The following MYO6 variants were observed in gnomAD, a reference collection of about 807,000 sequenced individuals.
MYO6 encodes the protein myosin VI.
MYO6 carries 74 observed loss-of-function variants against 178.7 expected under a neutral mutation model. The observed-to-expected ratio is 0.41, with a 90% CI of 0.34 to 0.50. The LOEUF (loss-of-function observed/expected upper bound fraction) is 0.50. MYO6 is among the 20% of genes least tolerant of loss of function. MYO6 has a pLI of 0.09. For missense variants in MYO6, 1,330 were observed against 1,547.4 expected (o/e 0.86, Z 2.36); for synonymous variants, 477 against 504.6 (o/e 0.95, Z 0.73).
intron 1 of MYO6, among the ~76,000 whole-genome samples, chr6:75,750,508 A>T (rs1776784387): frequency 6.6e-6 from 1 of 151,076 alleles, no homozygotes; most frequent in African/African-American, 2.4e-5. Flanking sequence ...AATAGACTTA[A>T]CTGTACGGGC....
chr6:75,832,399 C>G (rs1308848747), intron 5 of MYO6, among the ~76,000 whole-genome samples: 1 of 152,062 alleles, frequency 6.6e-6, no homozygotes, highest in South Asian at 2.1e-4. Context: ...GAGAAAAAAA[C>G]CCAAGTTGCC....
chr6:75,872,022 G>T (rs1251109856), intron 19 of MYO6, among the ~76,000 whole-genome samples: 1 of 152,170 alleles, frequency 6.6e-6, no homozygotes, highest in African/African-American at 2.4e-5. Flanking sequence ...CTAGCTACTT[G>T]GGAGGCTGAG....
chr6:75,822,885 A>G (rs1583192375), intron 3 of MYO6, 34 bp downstream of exon 3: 1 of 1,497,550 alleles, frequency 6.7e-7, no homozygotes, highest in East Asian at 2.3e-5. Flanking sequence ...CTCTCCGCAC[A>G]GAAAAGGAGA....
chr6:75,844,793 T>C lies in MYO6; in HGVS notation c.817-104T>C, dbSNP rs904664400. On this transcript the variant is annotated intron_variant, in intron 9 of 34. Transcript: ENST00000369977. ...GATTATACAGTACTCAAGTTGTGTT[T>C]AGAAATTCTTCATGGTTGGCACTAT... The C allele has an allele frequency of 1.6e-5, 14 of 881,730 alleles. No homozygotes were observed. The Admixed American group carries it at 2.6e-4, about 16-fold the overall frequency. 54.6% of individuals were successfully genotyped at this position (881,730 alleles called of 1,614,324 possible).
intron 4 of MYO6, among the ~76,000 whole-genome samples, chr6:75,829,682 G>A (rs1291015168): frequency 6.6e-6 from 1 of 152,016 alleles, no homozygotes; most frequent in Admixed American, 6.6e-5. Flanking sequence ...AAGTTTAAAT[G>A]TGGCTATTCT....
chr6:75,875,451 A>T (rs1358954), intron 20 of MYO6, among the ~76,000 whole-genome samples: 51,855 of 151,780 alleles, frequency 0.34, 9,679 homozygotes, highest in Admixed American at 0.48. Context: ...ATTAAAAAAA[A>T]TTTTTTTTGT....
At chr6:75,874,657 T>G (rs981878327) in intron 20 of MYO6, among the ~76,000 whole-genome samples, 4 of 152,238 alleles carry the variant, frequency 2.6e-5, no homozygotes, top group Admixed American at 1.3e-4. Flanking sequence ...TGTTTATGTT[T>G]GTCATACTAT....
chr6:75,834,664 T>G (rs1265497857), intron 6 of MYO6, among the ~76,000 whole-genome samples: 1 of 152,216 alleles, frequency 6.6e-6, no homozygotes, highest in African/African-American at 2.4e-5. Flanking sequence ...AGCAGCATAC[T>G]CACCAGTGTT....
intron 19 of MYO6, among the ~76,000 whole-genome samples, chr6:75,871,775 A>G (rs1413586118): frequency 6.6e-6 from 1 of 152,124 alleles, no homozygotes; most frequent in African/African-American, 2.4e-5. Context: ...CTGCTCTAAA[A>G]TTATGAGATT....
intron 1 of MYO6, among the ~76,000 whole-genome samples, chr6:75,808,053 CTAT>C (rs1356561217): frequency 1.3e-5 from 2 of 152,106 alleles, no homozygotes; most frequent in African/African-American, 2.4e-5. Flanking sequence ...TATTTCATTT[CTAT>C]TATTATGTTG....
chr6:75,866,190 TA>T (rs1193544640), intron 16 of MYO6, among the ~76,000 whole-genome samples: 12 of 151,996 alleles, frequency 7.9e-5, no homozygotes, highest in African/African-American at 1.7e-4. Flanking sequence ...CATGTGCTTT[TA>T]AAAAAAAATT....
Position 75,880,053 on chromosome 6 carries a change from A to C in MYO6, c.2219A>C (p.Lys740Thr). ...DPRLFCKALFKALGLNENDYK... is the reference protein window; with the variant it reads ...DPRLFCKALFTALGLNENDYK... ...ACTTTTATTTTTCAGGCTTTGTTTA[A>C]AGCTTTGGGCTTAAATGAAAATGAC... The change falls in exon 22 of 35, where the codon AAA becomes ACA. Residue 740 changes from lysine to threonine, a missense_variant. This residue lies in a region of MYO6 where 613 missense variants were observed against 816.8 expected (regional missense o/e 0.75). Transcript: ENST00000369977. The C allele has an allele frequency of 6.2e-7, 1 of 1,612,814 alleles. No individual in the cohort carries two copies. The highest frequency in any genetic ancestry group is 8.5e-7 in the Non-Finnish European group (1 of 1,179,824).
At chr6:75,765,634 C>A (rs1314779369) in intron 1 of MYO6, among the ~76,000 whole-genome samples, 1 of 151,964 alleles carries the variant, frequency 6.6e-6, no homozygotes, top group Admixed American at 6.6e-5. Flanking sequence ...TCTAGTCCCA[C>A]CTACTCAGGA....
intron 1 of MYO6, among the ~76,000 whole-genome samples, chr6:75,798,608 A>C (rs1403109206): frequency 6.6e-6 from 1 of 152,198 alleles, no homozygotes; most frequent in Non-Finnish European, 1.5e-5. Flanking sequence ...CTAGGCATCA[A>C]AGGAACATAA....
chr6:75,794,809 T>C (rs1424088795), intron 1 of MYO6, among the ~76,000 whole-genome samples: 1 of 152,074 alleles, frequency 6.6e-6, no homozygotes, highest in African/African-American at 2.4e-5. Context: ...ATAAAATGCG[T>C]CTTTGTGAAT....
chr6:75,850,109 T>C (rs1775122656), intron 11 of MYO6, among the ~76,000 whole-genome samples: 1 of 152,056 alleles, frequency 6.6e-6, no homozygotes, highest in African/African-American at 2.4e-5. Flanking sequence ...TTTAAGCACA[T>C]ATCTTTAATA....
chr6:75,888,460 C>T (rs989133375), intron 25 of MYO6, among the ~76,000 whole-genome samples: 21 of 151,504 alleles, frequency 1.4e-4, no homozygotes, highest in African/African-American at 5.1e-4. Context: ...ACCAAAAATA[C>T]AAAAAATTAT....
intron 30 of MYO6, among the ~76,000 whole-genome samples, chr6:75,907,196 C>T (rs1780394319): frequency 6.6e-6 from 1 of 152,162 alleles, no homozygotes; most frequent in Non-Finnish European, 1.5e-5. Context: ...CCTCATTGCT[C>T]ATAAACAAAA....
At chr6:75,902,020 C>G (rs985107320) in intron 30 of MYO6, among the ~76,000 whole-genome samples, 1 of 152,076 alleles carries the variant, frequency 6.6e-6, no homozygotes. Flanking sequence ...TATATGCTGG[C>G]TTACATTTAT....
Sources: allele counts gnomAD v4.1 joint callset (sites outside exome capture counted in the v4.1 genomes callset), GRCh38; gene constraint gnomAD v4.1.1; regional missense constraint gnomAD v4.1.1; transcripts MANE v1.5; gene names NCBI Gene and HGNC (gene_info 2026-07-23, HGNC 2026-07-21).